CTNNA2: variants seen among roughly 807,000 people sequenced by gnomAD.
CTNNA2 encodes the protein catenin alpha-2.
Under a neutral mutation model 101.0 loss-of-function variants are expected in CTNNA2, and 42 were observed. That is an observed-to-expected ratio of 0.42 (90% CI 0.32 to 0.54). The LOEUF is 0.54. Ranked by LOEUF, CTNNA2 falls within the 20% of genes least tolerant of loss-of-function variation. The probability of loss-of-function intolerance (pLI) is 0.14; values close to 1 mark genes in which losing one functional copy is unlikely to be tolerated. For synonymous variants in CTNNA2, 450 were observed against 456.4 expected, an observed-to-expected ratio of 0.99 and a Z score of 0.18; for missense variants, 871 against 1,223.1, an observed-to-expected ratio of 0.71 and a Z score of 4.29.
chr2:79,681,830 G>A (rs1185296323), intron 2 of CTNNA2, among the ~76,000 whole-genome samples: 2 of 152,100 alleles, frequency 1.3e-5, no homozygotes, highest in South Asian at 2.1e-4. Flanking sequence ...GAAAAGGCAC[G>A]GGCTTTAGCA....
At chr2:79,994,909 G>T (rs1276309831) in intron 7 of CTNNA2, among the ~76,000 whole-genome samples, 1 of 152,142 alleles carries the variant, frequency 6.6e-6, no homozygotes, top group Admixed American at 6.5e-5. Context: ...ACCAGGAGGT[G>T]CCCAGTAAAT....
At chr2:79,919,731 G>A (rs530087229) in intron 7 of CTNNA2, among the ~76,000 whole-genome samples, 20 of 152,286 alleles carry the variant, frequency 1.3e-4, no homozygotes, top group African/African-American at 1.7e-4. Flanking sequence ...AGATCTGAAC[G>A]CTGGATCTCT....
chr2:80,011,428 T>A (rs565899206), intron 7 of CTNNA2, among the ~76,000 whole-genome samples: 11 of 152,280 alleles, frequency 7.2e-5, no homozygotes, highest in Admixed American at 7.2e-4. Flanking sequence ...CCTTGGCACA[T>A]CCTGGCTTTA....
At chr2:80,380,446 G>A (rs1035297463) in intron 7 of CTNNA2, among the ~76,000 whole-genome samples, 1 of 152,152 alleles carries the variant, frequency 6.6e-6, no homozygotes, top group Non-Finnish European at 1.5e-5. Context: ...GGCCTTGGAG[G>A]TCAGGAGCCA....
At chr2:79,713,576 C>G (rs1685880612) in intron 2 of CTNNA2, among the ~76,000 whole-genome samples, 1 of 152,216 alleles carries the variant, frequency 6.6e-6, no homozygotes, top group Non-Finnish European at 1.5e-5. Flanking sequence ...AGTACTGGTT[C>G]TGCTGCTTCC....
At chr2:80,323,868 G>A (rs77172851) in intron 7 of CTNNA2, among the ~76,000 whole-genome samples, 3,139 of 152,162 alleles carry the variant, frequency 0.021, 54 homozygotes, top group South Asian at 0.034. Flanking sequence ...CAAGGAATTT[G>A]CCTTTTCTAG....
intron 2 of CTNNA2, among the ~76,000 whole-genome samples, chr2:79,281,978 A>G (rs1447712954): frequency 1.3e-5 from 2 of 152,120 alleles, no homozygotes; most frequent in Non-Finnish European, 2.9e-5. Context: ...ACAAATTATA[A>G]TTTATAATAG....
chr2:79,883,919 A>T (rs188095736), intron 6 of CTNNA2, among the ~76,000 whole-genome samples: 1 of 152,316 alleles, frequency 6.6e-6, no homozygotes, highest in East Asian at 1.9e-4. Context: ...GCCAGAAAAT[A>T]AGCCACAGGA....
chr2:80,126,984 T>G (rs960792494), intron 7 of CTNNA2, among the ~76,000 whole-genome samples: 1 of 152,166 alleles, frequency 6.6e-6, no homozygotes, highest in African/African-American at 2.4e-5. Context: ...TAAATACGGC[T>G]CTTAGTCACA....
chr2:79,559,908 T>C (rs1674671898), intron 1 of CTNNA2, among the ~76,000 whole-genome samples: 1 of 151,784 alleles, frequency 6.6e-6, no homozygotes, highest in African/African-American at 2.4e-5. Context: ...ATCATTTTTA[T>C]AGAAACTCTG....
intron 7 of CTNNA2, among the ~76,000 whole-genome samples, chr2:80,046,409 G>A (rs1191350176): frequency 1.3e-5 from 2 of 152,066 alleles, no homozygotes; most frequent in African/African-American, 4.8e-5. Flanking sequence ...CTCAGTAGAT[G>A]AGACCTACTA....
At chr2:80,046,961 C>G (rs1191293243) in intron 7 of CTNNA2, among the ~76,000 whole-genome samples, 1 of 152,110 alleles carries the variant, frequency 6.6e-6, no homozygotes, top group African/African-American at 2.4e-5. Flanking sequence ...TTATCCTATG[C>G]ATGTAGGATG....
chr2:79,268,240 C>T (rs537175963), intron 2 of CTNNA2, among the ~76,000 whole-genome samples: 1 of 152,198 alleles, frequency 6.6e-6, no homozygotes, highest in Non-Finnish European at 1.5e-5. Flanking sequence ...ATGTAATGAC[C>T]ATAATGGTCA....
chr2:80,001,814 A>G (rs555005468), intron 7 of CTNNA2, among the ~76,000 whole-genome samples: 2 of 152,076 alleles, frequency 1.3e-5, no homozygotes, highest in South Asian at 4.2e-4. Flanking sequence ...ACATAAGGTG[A>G]CTCCCTGTAT....
chr2:79,954,851 TGAGGTA>T (rs2104507838), intron 7 of CTNNA2, among the ~76,000 whole-genome samples: 1 of 152,346 alleles, frequency 6.6e-6, no homozygotes, highest in South Asian at 2.1e-4. Context: ...AAATGAGTTA[TGAGGTA>T]GACAAAGGCA....
intron 1 of CTNNA2, among the ~76,000 whole-genome samples, chr2:79,543,562 CT>C (rs35067381): frequency 1.3e-5 from 2 of 151,918 alleles, no homozygotes; most frequent in South Asian, 2.1e-4. Flanking sequence ...AATCTGACAA[CT>C]TTTTTTTAGT....
chr2:80,601,425 T>C (rs1475013184), intron 15 of CTNNA2, among the ~76,000 whole-genome samples: 12 of 146,276 alleles, frequency 8.2e-5, no homozygotes, highest in Non-Finnish European at 1.2e-4. Flanking sequence ...TTCTTTCTTT[T>C]TTTTTTTTTT....
intron 2 of CTNNA2, among the ~76,000 whole-genome samples, chr2:79,736,542 C>T (rs1670891679): frequency 6.6e-6 from 1 of 152,170 alleles, no homozygotes; most frequent in African/African-American, 2.4e-5. Flanking sequence ...TAGTTTTCCT[C>T]TTTCAGGAAA....
At chr2:80,608,346 A>G (rs759624082) in intron 17 of CTNNA2, 28 bp downstream of exon 17, 1 of 1,595,010 alleles carries the variant, frequency 6.3e-7, no homozygotes, top group Non-Finnish European at 8.6e-7. Flanking sequence ...TTCACAATGT[A>G]AAGTTCCCAC....
Sources: gnomAD v4.1 joint callset for allele counts (sites outside exome capture counted in the v4.1 genomes callset) on GRCh38, gnomAD v4.1.1 for gene constraint, MANE v1.5 for transcripts, NCBI Gene and HGNC (gene_info 2026-07-23, HGNC 2026-07-21) for gene names.